Variants in GFOD1 observed in about 807,000 individuals in gnomAD.
The protein encoded by GFOD1 is glucose-fructose oxidoreductase domain-containing protein 1.
Under a neutral mutation model 25.4 loss-of-function variants are expected in GFOD1, and 9 were observed. That is an observed-to-expected ratio of 0.35 (90% CI 0.21 to 0.62). The LOEUF (loss-of-function observed/expected upper bound fraction) is 0.62. Among genes scored for constraint, GFOD1 ranks in the 20% least tolerant of loss-of-function variants. The pLI is 0.72. For missense variants in GFOD1, 403 were observed against 556.9 expected (o/e 0.72, Z 2.78); for synonymous variants, 253 against 245.6 (o/e 1.03, Z -0.28).
intron 1 of GFOD1, among the ~76,000 whole-genome samples, chr6:13,423,350 C>T (rs1022504285): frequency 6.6e-6 from 1 of 152,130 alleles, no homozygotes; most frequent in African/African-American, 2.4e-5. Flanking sequence ...GGTCAAGGAG[C>T]ATTTATCTGT....
chr6:13,375,115 A>G (rs1173609009), intron 1 of GFOD1, among the ~76,000 whole-genome samples: 1 of 152,184 alleles, frequency 6.6e-6, no homozygotes, highest in Non-Finnish European at 1.5e-5. Context: ...ATTTGAAAAT[A>G]TACAATAAAT....
intron 1 of GFOD1, among the ~76,000 whole-genome samples, chr6:13,474,117 C>T (rs973917247): frequency 1.3e-5 from 2 of 152,158 alleles, no homozygotes; most frequent in African/African-American, 2.4e-5. Flanking sequence ...CGGTGGCTCT[C>T]GCCTGTAATC....
chr6:13,470,268 T>G (rs1758470426), intron 1 of GFOD1: 1 of 1,592,570 alleles, frequency 6.3e-7, no homozygotes, highest in South Asian at 1.1e-5. Flanking sequence ...ACATCCCTCC[T>G]GGAATCCCCC....
At position 13,455,047 on chromosome 6, in the gene GFOD1, C is replaced by T. The variant is rs953277047; in HGVS notation, c.253+31591G>A. Among the ~76,000 whole-genome samples, 12 of 152,266 alleles carry T rather than the reference C, an allele frequency of 7.9e-5. No individual in the cohort carries two copies. The East Asian group carries it at 1.5e-3, about 20-fold the overall frequency. On this transcript the variant is annotated intron_variant, in intron 1 of 1. Transcript: ENST00000379287. ...TTGCTTCCGCTAGAGTTTAGGGTTT[C>T]GTCATCTGAGGTCTGCTGATCTAAA...
intron 1 of GFOD1, among the ~76,000 whole-genome samples, chr6:13,479,201 A>T (rs111318513): frequency 3.9e-5 from 6 of 152,352 alleles, no homozygotes; most frequent in African/African-American, 9.6e-5. Flanking sequence ...AAAAATTTTT[A>T]AAAATTTTAA....
chr6:13,404,396 G>T (rs898931057), intron 1 of GFOD1, among the ~76,000 whole-genome samples: 3 of 152,186 alleles, frequency 2.0e-5, no homozygotes, highest in Admixed American at 2.0e-4. Flanking sequence ...CTTCTTTTAA[G>T]GATCAAATGA....
At chr6:13,425,176 T>G (rs1786331028) in intron 1 of GFOD1, among the ~76,000 whole-genome samples, 1 of 151,964 alleles carries the variant, frequency 6.6e-6, no homozygotes, top group Non-Finnish European at 1.5e-5. Flanking sequence ...CCCAGGCTGG[T>G]CTCAAACTCC....
chr6:13,376,128 T>C (rs1785249972), intron 1 of GFOD1, among the ~76,000 whole-genome samples: 1 of 152,146 alleles, frequency 6.6e-6, no homozygotes. Context: ...CAGCTTCCCA[T>C]GCAGGGAGGC....
At chr6:13,381,586 C>A (rs1296230080) in intron 1 of GFOD1, among the ~76,000 whole-genome samples, 3 of 152,188 alleles carry the variant, frequency 2.0e-5, no homozygotes, top group Non-Finnish European at 4.4e-5. Flanking sequence ...CAAGTCTGGC[C>A]TGGGGCTCCT....
chr6:13,383,107 G>A (rs1317310889), intron 1 of GFOD1, among the ~76,000 whole-genome samples: 1 of 152,116 alleles, frequency 6.6e-6, no homozygotes, highest in Non-Finnish European at 1.5e-5. Flanking sequence ...CTTTGCTATT[G>A]TGAACAGTGC....
rs1408311574 is a variant in GFOD1 at position 13,409,156 on chromosome 6, A to AAGAGAGAGAG, written c.254-43495_254-43494insCTCTCTCTCT. Among the ~76,000 whole-genome samples, 46 of 95,494 alleles carry AAGAGAGAGAG rather than the reference A, an allele frequency of 4.8e-4. 3 individuals are homozygous for AAGAGAGAGAG. Among genetic ancestry groups the AAGAGAGAGAG allele is most frequent in the East Asian group, 1.6e-3 (5 of 3,204 alleles). 62.6% of individuals were successfully genotyped at this position (95,494 alleles called of 152,430 possible). On this transcript the variant is annotated intron_variant, in intron 1 of 1. Transcript: ENST00000379287. ...AAGAAAGAAAGAAAGAAAGAGAGGA[A>AAGAGAGAGAG]AGAAAGAAAGGAAAGAGAGAGAGAG...
chr6:13,468,033 T>C (rs1758407389), intron 1 of GFOD1, among the ~76,000 whole-genome samples: 1 of 152,226 alleles, frequency 6.6e-6, no homozygotes, highest in Admixed American at 6.5e-5. Flanking sequence ...AACCATTTTT[T>C]CCCATCTTAT....
At chr6:13,466,203 C>T (rs1758376145) in intron 1 of GFOD1, among the ~76,000 whole-genome samples, 1 of 152,240 alleles carries the variant, frequency 6.6e-6, no homozygotes, top group South Asian at 2.1e-4. Context: ...TTGGAAGGTA[C>T]AAGATGATGG....
chr6:13,411,052 G>C (rs1478803159), intron 1 of GFOD1, among the ~76,000 whole-genome samples: 1 of 152,228 alleles, frequency 6.6e-6, no homozygotes, highest in East Asian at 1.9e-4. Context: ...CAAACAGCCA[G>C]CATGTATGCA....
At position 13,360,817 on chromosome 6, in the gene GFOD1, C is replaced by T. The variant is rs1045998429; in HGVS notation, c.*3926G>A. On this transcript the variant is annotated 3_prime_UTR_variant, in exon 2 of 2. Coordinates refer to ENST00000379287, the MANE Select transcript of GFOD1 (RefSeq NM_018988.4). Reference sequence around the variant, plus strand: ...CCTTCCTGGGTGTGAGAGCAGACCCCGTAGACATTGATAAGGAGCGGTTTC... The same window carrying T: ...CCTTCCTGGGTGTGAGAGCAGACCCTGTAGACATTGATAAGGAGCGGTTTC... 15 of 456,522 alleles carry T rather than the reference C, an allele frequency of 3.3e-5. No individual in the cohort carries two copies. The highest frequency in any genetic ancestry group is 2.3e-4 in the Admixed American group (10 of 42,562). 28.3% of individuals were successfully genotyped at this position (456,522 alleles called of 1,614,324 possible).
Position 13,466,056 on chromosome 6 carries a change from G to C in GFOD1, c.253+20582C>G, listed in dbSNP as rs1295091388. Among the ~76,000 whole-genome samples the C allele has an allele frequency of 3.3e-5, 5 of 152,112 alleles. No individual in the cohort carries two copies. In the East Asian group the frequency reaches 9.6e-4, roughly 29 times the overall value. ...CAAATTTGACAAATTTACATCAAGA[G>C]TAAAGTTACTGCTAGGGCAGATGGG... On this transcript the variant is annotated intron_variant, in intron 1 of 1. Transcript: ENST00000379287.
In GFOD1 at chr6:13,464,547, T is replaced by A. The variant is rs1758346933; in HGVS notation, c.253+22091A>T. Among the ~76,000 whole-genome samples the A allele has an allele frequency of 2.0e-5, 3 of 152,202 alleles. No homozygotes were observed. In the South Asian group the frequency reaches 6.2e-4, roughly 32 times the overall value. On this transcript the variant is annotated intron_variant, in intron 1 of 1. Coordinates refer to ENST00000379287, the MANE Select transcript of GFOD1 (RefSeq NM_018988.4). ...CATTGTGATGGTTAATTTCAATATA[T>A]CAACTTGGCTAAGCCACAACAGCCA... is the stretch of plus-strand genomic sequence containing the variant.
intron 1 of GFOD1, among the ~76,000 whole-genome samples, chr6:13,458,974 T>C (rs909812765): frequency 6.6e-6 from 1 of 152,106 alleles, no homozygotes; most frequent in East Asian, 1.9e-4. Context: ...TTTTGTCCTA[T>C]CTTGCTGTGG....
intron 1 of GFOD1, among the ~76,000 whole-genome samples, chr6:13,471,554 A>C (rs750904310): frequency 6.6e-6 from 1 of 152,186 alleles, no homozygotes; most frequent in Non-Finnish European, 1.5e-5. Flanking sequence ...CCCACAGCAC[A>C]TCTTCTTCTC....
Sources: allele counts gnomAD v4.1 joint callset (sites outside exome capture counted in the v4.1 genomes callset), GRCh38; gene constraint gnomAD v4.1.1; transcripts MANE v1.5; gene names NCBI Gene and HGNC (gene_info 2026-07-23, HGNC 2026-07-21).